The following ARID1A variants were observed in gnomAD, a reference collection of about 807,000 sequenced individuals.
ARID1A encodes the protein AT-rich interaction domain 1A.
A neutral mutation model predicts 212.6 loss-of-function variants in ARID1A; 20 were observed. That is an observed-to-expected ratio of 0.09 (90% CI 0.07 to 0.14). The LOEUF is 0.14. ARID1A is among the 10% of genes least tolerant of loss of function. The pLI, the probability that ARID1A is intolerant of heterozygous loss-of-function variation, is 1.00. For synonymous variants in ARID1A, 1,376 were observed against 1,222.1 expected (o/e 1.13, Z -2.63); for missense variants, 2,587 against 3,059.0 (o/e 0.85, Z 3.64).
At chr1:26,698,136 T>C (rs1385265858) in intron 1 of ARID1A, among the ~76,000 whole-genome samples, 1 of 152,234 alleles carries the variant, frequency 6.6e-6, no homozygotes, top group Non-Finnish European at 1.5e-5. Context: ...TGGCCTGGGC[T>C]TCTCCCTGGA....
At position 26,779,746 on chromosome 1, in the gene ARID1A, C is replaced by T. The variant is rs1003835206; in HGVS notation, c.5848C>T (p.Arg1950Trp). ...TGGCATTAGCCCAGCACAGAGCCAC[C>T]GGAACATCAAGATCCTAGAGGACGA... ...PFGISPAQSH[R>W]NIKILEDEPH... The change falls in exon 20 of 20, where the codon CGG becomes TGG. Residue 1950 changes from arginine to tryptophan, a missense_variant. Physicochemically the swap from Arg to Trp is moderately radical, Grantham distance 101. Around this residue, in one of 11 missense-constraint regions of ARID1A, gnomAD observed 890 missense variants for 1,098.2 expected, o/e 0.81. Coordinates refer to ENST00000324856, the MANE Select transcript of ARID1A (RefSeq NM_006015.6). 3.1e-6 allele frequency: 5 copies of T among 1,614,080 alleles called. No individual in the cohort carries two copies. The highest frequency in any genetic ancestry group is 4.2e-6 in the Non-Finnish European group (5 of 1,180,014).
chr1:26,715,663 T>C (rs1014795848), intron 1 of ARID1A, among the ~76,000 whole-genome samples: 9 of 152,206 alleles, frequency 5.9e-5, no homozygotes, highest in African/African-American at 2.2e-4. Context: ...TAAGAACTTT[T>C]TAAAGTTCAC....
chr1:26,729,593 T>C (rs2124784532), intron 1 of ARID1A, 58 bp from the exon 2 acceptor site: 2 of 1,585,144 alleles, frequency 1.3e-6, no homozygotes, highest in Non-Finnish European at 1.7e-6. Flanking sequence ...TTGGGTTATA[T>C]ATTCAGTGGC....
chr1:26,753,570 C>T (rs2080903093), intron 4 of ARID1A, among the ~76,000 whole-genome samples: 1 of 152,208 alleles, frequency 6.6e-6, no homozygotes, highest in African/African-American at 2.4e-5. Flanking sequence ...CAATAAAATG[C>T]ACAAAACACA....
In ARID1A at chr1:26,780,324, C is replaced by T. The variant is rs2124148941; in HGVS notation, c.6426C>T (p.Ser2142=). The change falls in exon 20 of 20, where the codon AGC becomes AGT. Residue 2142 remains serine, a synonymous_variant. Transcript: ENST00000324856. This position sits in a 1 kb window ranked among gnomAD's most constrained non-coding sequence, Gnocchi z 7.2. ...TGATTCTGGCCACACCCCCCTTCAG[C>T]CGCCTGGAGAAGTTGTATAGCACTA... ...VDLILATPPF[S]RLEKLYSTMV... 1 of 1,614,232 alleles carries T rather than the reference C, an allele frequency of 6.2e-7. No homozygotes were observed. Among genetic ancestry groups the T allele is most frequent in the Non-Finnish European group, 8.5e-7 (1 of 1,180,030 alleles).
chr1:26,766,818 A>G (rs1334061920), intron 10 of ARID1A, among the ~76,000 whole-genome samples: 1 of 152,142 alleles, frequency 6.6e-6, no homozygotes, highest in Non-Finnish European at 1.5e-5. Context: ...TATGGGGGAA[A>G]TGCCAGACAC....
intron 4 of ARID1A, among the ~76,000 whole-genome samples, chr1:26,756,110 T>C (rs894521870): frequency 2.0e-5 from 3 of 151,680 alleles, no homozygotes; most frequent in African/African-American, 7.3e-5. Flanking sequence ...CTTCAGTACA[T>C]GTCCAAAGAT....
chr1:26,731,470 C>G lies in ARID1A; in HGVS notation c.1669C>G (p.Gln557Glu), dbSNP rs2124789703. Residue 557 changes from glutamine to glutamate, a missense_variant, in exon 3 of 20, where the codon CAG (glutamine) becomes GAG (glutamate). By Grantham distance (29) the Gln-to-Glu change is conservative. Coordinates refer to ENST00000324856, the MANE Select transcript of ARID1A (RefSeq NM_006015.6). Reference sequence around the variant, plus strand: ...GCCCCCCTACTCACAGCCACAGGCTCAGTCTCCTTACCAGCAGCAGCAACC... The same window carrying G: ...GCCCCCCTACTCACAGCCACAGGCTGAGTCTCCTTACCAGCAGCAGCAACC... ...SQPPYSQPQA[Q>E]SPYQQQQPQQ... 1 of 1,613,992 alleles carries G rather than the reference C, an allele frequency of 6.2e-7. No individual in the cohort carries two copies. The highest frequency in any genetic ancestry group is 8.5e-7 in the Non-Finnish European group (1 of 1,180,002).
chr1:26,749,813 T>A (rs895006640), intron 4 of ARID1A, among the ~76,000 whole-genome samples: 11 of 152,348 alleles, frequency 7.2e-5, no homozygotes, highest in African/African-American at 2.6e-4. Flanking sequence ...GTTGTACTTC[T>A]GAGTTTTAAA....
intron 1 of ARID1A, among the ~76,000 whole-genome samples, chr1:26,698,744 T>C (rs1355732468): frequency 6.6e-6 from 1 of 152,204 alleles, no homozygotes; most frequent in African/African-American, 2.4e-5. Context: ...TTGAGTAATT[T>C]TGACACTGGT....
intron 4 of ARID1A, among the ~76,000 whole-genome samples, chr1:26,753,591 G>T (rs1356091045): frequency 2.0e-5 from 3 of 152,206 alleles, no homozygotes; most frequent in South Asian, 2.1e-4. Flanking sequence ...TTGGAAACAC[G>T]TGAGGAAATT....
chr1:26,699,531 G>A (rs375685620), intron 1 of ARID1A, among the ~76,000 whole-genome samples: 1 of 152,296 alleles, frequency 6.6e-6, no homozygotes, highest in South Asian at 2.1e-4. Flanking sequence ...GTTAGATGGT[G>A]GGCTTGGAGC....
At chr1:26,743,462 AGTT>A (rs1038369896) in intron 4 of ARID1A, among the ~76,000 whole-genome samples, 1 of 152,136 alleles carries the variant, frequency 6.6e-6, no homozygotes, top group African/African-American at 2.4e-5. Context: ...CTTGCTACCT[AGTT>A]GAGCTTTGGG....
At chr1:26,703,871 A>C (rs1324197747) in intron 1 of ARID1A, among the ~76,000 whole-genome samples, 1 of 152,234 alleles carries the variant, frequency 6.6e-6, no homozygotes, top group African/African-American at 2.4e-5. Context: ...TTATGTGCAC[A>C]CATCTGGAAA....
chr1:26,709,413 C>T (rs186161819), intron 1 of ARID1A, among the ~76,000 whole-genome samples: 36 of 152,188 alleles, frequency 2.4e-4, no homozygotes, highest in Admixed American at 1.8e-3. Context: ...ATGCTACCAC[C>T]CTGCTCCAGC....
At chr1:26,728,724 T>G (rs1176734100) in intron 1 of ARID1A, among the ~76,000 whole-genome samples, 1 of 152,184 alleles carries the variant, frequency 6.6e-6, no homozygotes, top group East Asian at 1.9e-4. Context: ...TGTGTGTGTC[T>G]TAAAGGTGCT....
chr1:26,762,143 C>T lies in ARID1A; in HGVS notation c.2252-9C>T, dbSNP rs758474458. 2.5e-6 allele frequency: 4 copies of T among 1,608,092 alleles called. No homozygotes were observed. Among genetic ancestry groups the T allele is most frequent in the Non-Finnish European group, 3.4e-6 (4 of 1,176,634 alleles). ...AGCTAATAACTATATGGATGCTACC[C>T]ACAAATAGGTTATATGCAGAGGAAC... On this transcript the variant is annotated splice_polypyrimidine_tract_variant and intron_variant, in intron 6 of 19. Coordinates refer to ENST00000324856, the MANE Select transcript of ARID1A (RefSeq NM_006015.6).
intron 11 of ARID1A, chr1:26,769,052 C>G (rs930242150): frequency 1.3e-5 from 2 of 152,224 alleles, no homozygotes; most frequent in Non-Finnish European, 2.9e-5. Flanking sequence ...AAATAAGACA[C>G]GTGCATACTG....
intron 1 of ARID1A, among the ~76,000 whole-genome samples, chr1:26,697,871 G>A (rs1168244405): frequency 6.6e-6 from 1 of 151,792 alleles, no homozygotes; most frequent in Non-Finnish European, 1.5e-5. Context: ...AGGGGGCGCT[G>A]GGGGCTCAGG....
Sources: allele counts gnomAD v4.1 joint callset (sites outside exome capture counted in the v4.1 genomes callset), GRCh38; gene constraint gnomAD v4.1.1; regional missense constraint gnomAD v4.1.1; non-coding constraint Gnocchi (gnomAD v3.1); transcripts MANE v1.5; gene names NCBI Gene and HGNC (gene_info 2026-07-23, HGNC 2026-07-21).